CELF2: variants seen among roughly 807,000 people sequenced by gnomAD.
The protein encoded by CELF2 is CUG triplet repeat RNA-binding protein 2.
Under a neutral mutation model 62.6 loss-of-function variants are expected in CELF2, and 8 were observed. The ratio of observed to expected loss-of-function variants is 0.13; its 90% CI spans 0.07 to 0.23. The LOEUF is 0.23. CELF2 is among the 10% of genes least tolerant of loss of function. The pLI is 1.00. For missense variants in CELF2, 333 were observed against 671.0 expected (o/e 0.50, Z 5.56); for synonymous variants, 258 against 250.0 (o/e 1.03, Z -0.30).
intron 2 of CELF2, among the ~76,000 whole-genome samples, chr10:10,929,960 A>ACAAT (rs2065904953): frequency 6.6e-6 from 1 of 152,254 alleles, no homozygotes; most frequent in South Asian, 2.1e-4. Context: ...CACGAAAATA[A>ACAAT]CAATCACTTA....
At chr10:11,073,885 C>T (rs11256965) in intron 1 of CELF2, among the ~76,000 whole-genome samples, 31,093 of 152,164 alleles carry the variant, frequency 0.2, 3,316 homozygotes, top group Middle Eastern at 0.29. Context: ...TTTGGTTATA[C>T]ATTTTTAAAT....
chr10:10,778,177 T>A, the CELF2 span, among the ~76,000 whole-genome samples: 1 of 152,292 alleles, frequency 6.6e-6, no homozygotes, highest in Admixed American at 6.5e-5. Context: ...TCCCAGTTTC[T>A]TGGTCGTAGT....
intron 1 of CELF2, among the ~76,000 whole-genome samples, chr10:11,091,846 C>T (rs1278357568): frequency 1.3e-5 from 2 of 152,168 alleles, no homozygotes; most frequent in Non-Finnish European, 2.9e-5. Flanking sequence ...ACAGAATGAA[C>T]GATTCTCACA....
chr10:11,125,284 T>A (rs1050888150), intron 1 of CELF2, among the ~76,000 whole-genome samples: 1 of 152,146 alleles, frequency 6.6e-6, no homozygotes, highest in African/African-American at 2.4e-5. Context: ...AATAGTCAGT[T>A]CTCTTGTTGG....
chr10:11,281,323 A>C (rs547183489), intron 8 of CELF2, among the ~76,000 whole-genome samples: 2 of 152,290 alleles, frequency 1.3e-5, no homozygotes, highest in South Asian at 4.1e-4. Context: ...CACCAAGTTC[A>C]GGGGACTGAC....
chr10:10,737,445 C>A, the CELF2 span, among the ~76,000 whole-genome samples: 1 of 152,166 alleles, frequency 6.6e-6, no homozygotes, highest in East Asian at 1.9e-4. Flanking sequence ...TTGGGTAATA[C>A]ATTTTCTGCC....
chr10:10,538,554 C>T, the CELF2 span, among the ~76,000 whole-genome samples: 1 of 152,184 alleles, frequency 6.6e-6, no homozygotes, highest in Non-Finnish European at 1.5e-5. Flanking sequence ...CTAGAGTCTC[C>T]TGGTGTCAGC....
the CELF2 span, among the ~76,000 whole-genome samples, chr10:10,580,308 AAG>A: frequency 6.6e-6 from 1 of 152,266 alleles, no homozygotes; most frequent in African/African-American, 2.4e-5. Context: ...TGCACTTTGC[AAG>A]AGAGAGTTTA....
In CELF2 at chr10:11,046,664, T is replaced by C. The variant is rs2062909851; in HGVS notation, c.74+28501T>C. Among the ~76,000 whole-genome samples the C allele has an allele frequency of 6.6e-6, 1 of 152,148 alleles. No individual in the cohort carries two copies. The highest frequency in any genetic ancestry group is 2.4e-5 in the African/African-American group (1 of 41,416). Reference sequence around the variant, plus strand: ...TTCCTAACTCATTTCAGACGGACGCTAATAACAGCCCGCAGAACCCTCAGG... The same window carrying C: ...TTCCTAACTCATTTCAGACGGACGCCAATAACAGCCCGCAGAACCCTCAGG... On this transcript the variant is annotated intron_variant, in intron 1 of 12. Transcript: ENST00000633077. This position sits in a 1 kb window ranked among gnomAD's most constrained non-coding sequence, Gnocchi z 4.6.
At chr10:10,480,006 T>G in the CELF2 span, among the ~76,000 whole-genome samples, 1 of 152,172 alleles carries the variant, frequency 6.6e-6, no homozygotes, top group Admixed American at 6.5e-5. Flanking sequence ...AAGTGGAGAT[T>G]TAGCCTGGCT....
At chr10:11,261,954 C>T (rs945117043) in intron 5 of CELF2, among the ~76,000 whole-genome samples, 7 of 152,320 alleles carry the variant, frequency 4.6e-5, no homozygotes, top group Middle Eastern at 3.4e-3. Flanking sequence ...CACAATCCCA[C>T]AGTCAGCCTG....
At chr10:10,772,268 C>A in the CELF2 span, among the ~76,000 whole-genome samples, 2 of 152,140 alleles carry the variant, frequency 1.3e-5, no homozygotes, top group African/African-American at 2.4e-5. Context: ...GCAGTCTAAT[C>A]TTGGTCTTCC....
At chr10:10,985,779 T>C (rs552377817) in intron 2 of CELF2, among the ~76,000 whole-genome samples, 1 of 152,342 alleles carries the variant, frequency 6.6e-6, no homozygotes, top group Non-Finnish European at 1.5e-5. Context: ...TTCTTCTCGC[T>C]AAAGACCCAT....
At chr10:10,878,559 G>C (rs944123078) in intron 1 of CELF2, among the ~76,000 whole-genome samples, 1 of 152,098 alleles carries the variant, frequency 6.6e-6, no homozygotes, top group Non-Finnish European at 1.5e-5. Context: ...ATACACACAC[G>C]TCCAAGTGGG....
At chr10:10,954,476 G>C (rs1043021387) in intron 2 of CELF2, among the ~76,000 whole-genome samples, 2 of 152,150 alleles carry the variant, frequency 1.3e-5, no homozygotes, top group South Asian at 2.1e-4. Flanking sequence ...CCGAACTCCT[G>C]ACCTTGTGAT....
chr10:11,316,406 C>T lies in CELF2; in HGVS notation c.1096+2148C>T, dbSNP rs545220087. Among the ~76,000 whole-genome samples, 1 of 152,312 alleles carries T rather than the reference C, an allele frequency of 6.6e-6. No homozygotes were observed. Among genetic ancestry groups the T allele is most frequent in the South Asian group, 2.1e-4 (1 of 4,822 alleles). On this transcript the variant is annotated intron_variant, in intron 10 of 12. Coordinates refer to ENST00000633077, the MANE Select transcript of CELF2 (RefSeq NM_001326342.2). This position sits in a 1 kb window ranked among gnomAD's most constrained non-coding sequence, Gnocchi z 4.4. ...GCCGTTTTACAATCTCCAGCATTGA[C>T]CTCGAGCTAATATTTGCTGCTTGTC...
At chr10:10,843,653 G>T (rs563982604) in intron 1 of CELF2, among the ~76,000 whole-genome samples, 1 of 152,084 alleles carries the variant, frequency 6.6e-6, no homozygotes, top group East Asian at 1.9e-4. Context: ...GTGTTTGGAT[G>T]AAGTATTCTA....
At chr10:10,723,812 A>T in the CELF2 span, among the ~76,000 whole-genome samples, 1 of 152,168 alleles carries the variant, frequency 6.6e-6, no homozygotes, top group African/African-American at 2.4e-5. Context: ...ATGATTTGTG[A>T]GCTTTATTTG....
intron 2 of CELF2, among the ~76,000 whole-genome samples, chr10:11,215,941 T>C (rs1450277844): frequency 2.0e-5 from 3 of 152,108 alleles, no homozygotes; most frequent in Non-Finnish European, 4.4e-5. Context: ...CAGTAAAAAA[T>C]CTACCATCAA....
Sources: gnomAD v4.1 joint callset for allele counts (sites outside exome capture counted in the v4.1 genomes callset) on GRCh38, gnomAD v4.1.1 for gene constraint, Gnocchi (gnomAD v3.1) non-coding constraint, MANE v1.5 for transcripts, NCBI Gene and HGNC (gene_info 2026-07-23, HGNC 2026-07-21) for gene names.